The following CFAP61 variants were observed in gnomAD, a reference collection of about 807,000 sequenced individuals.
CFAP61 encodes cilia- and flagella-associated protein 61.
Under a neutral mutation model 135.6 loss-of-function variants are expected in CFAP61, and 107 were observed. That is an observed-to-expected ratio of 0.79 (90% CI 0.67 to 0.93). The LOEUF (loss-of-function observed/expected upper bound fraction) is 0.93, where lower values mean the gene tolerates loss of function less well. CFAP61 is among the 40% of genes least tolerant of loss of function. The pLI is 0.00. For synonymous variants in CFAP61, 575 were observed against 578.5 expected (o/e 0.99, Z 0.09); for missense variants, 1,507 against 1,556.2 (o/e 0.97, Z 0.53).
In CFAP61 at chr20:20,054,460, A is replaced by C. The variant is rs181886543; in HGVS notation, c.-37+1869A>C. 3.0e-3 allele frequency among the ~76,000 whole-genome samples: 449 copies of C among 152,194 alleles called. 1 individual carries two copies. The highest frequency in any genetic ancestry group is 4.4e-3 in the Non-Finnish European group (300 of 67,988). On this transcript the variant is annotated intron_variant, in intron 1 of 26. Coordinates refer to ENST00000245957, the MANE Select transcript of CFAP61 (RefSeq NM_015585.4). ...ATATACACACACACATTTTACATTA[A>C]ACTTTATATGTAGTTTACATTTTAA...
At chr20:20,086,820 G>T (rs921332859) in intron 6 of CFAP61, among the ~76,000 whole-genome samples, 6 of 152,182 alleles carry the variant, frequency 3.9e-5, no homozygotes, top group African/African-American at 1.4e-4. Context: ...ATTAGCACCA[G>T]AACTGGACAA....
intron 25 of CFAP61, among the ~76,000 whole-genome samples, chr20:20,300,267 G>A (rs950568321): frequency 6.6e-6 from 1 of 151,982 alleles, no homozygotes; most frequent in Admixed American, 6.6e-5. Context: ...CATTATTTTC[G>A]AGTGTATGCC....
intron 8 of CFAP61, among the ~76,000 whole-genome samples, chr20:20,118,837 T>A (rs905647496): frequency 4.0e-5 from 6 of 151,448 alleles, no homozygotes; most frequent in Non-Finnish European, 1.5e-5. Context: ...TGAATCCCAT[T>A]TGATCTTGGG....
intron 8 of CFAP61, among the ~76,000 whole-genome samples, chr20:20,133,396 A>C (rs553115769): frequency 6.6e-6 from 1 of 152,270 alleles, no homozygotes; most frequent in African/African-American, 2.4e-5. Context: ...TTAGGAGGCT[A>C]TCTTGTACAG....
intron 26 of CFAP61, among the ~76,000 whole-genome samples, chr20:20,353,871 G>T (rs147962280): frequency 6.6e-6 from 1 of 152,320 alleles, no homozygotes; most frequent in South Asian, 2.1e-4. Context: ...TTCACTGTTG[G>T]TGGTAATATA....
chr20:20,166,534 T>C, intron 12 of CFAP61, 98 bp downstream of exon 12: 1 of 950,812 alleles, frequency 1.1e-6, no homozygotes, highest in South Asian at 1.4e-5. Context: ...AATGTTGAGG[T>C]TTGTGTTCGG....
At chr20:20,066,807 C>T (rs1047848939) in intron 2 of CFAP61, among the ~76,000 whole-genome samples, 3 of 151,544 alleles carry the variant, frequency 2.0e-5, no homozygotes, top group African/African-American at 7.3e-5. Flanking sequence ...TATCCCAGAA[C>T]TTAAAGTGTA....
chr20:20,357,085 G>A (rs1446835597), intron 26 of CFAP61, among the ~76,000 whole-genome samples: 1 of 112,898 alleles, frequency 8.9e-6, no homozygotes, highest in African/African-American at 3.1e-5. Flanking sequence ...GAGAGGAGGT[G>A]GTCACACTGA....
At chr20:20,349,659 G>T (rs1569323852) in intron 26 of CFAP61, among the ~76,000 whole-genome samples, 1 of 152,248 alleles carries the variant, frequency 6.6e-6, no homozygotes, top group East Asian at 1.9e-4. Context: ...GCATTAAAAA[G>T]AATAAAATAC....
At chr20:20,144,292 A>T (rs1253888782) in intron 9 of CFAP61, among the ~76,000 whole-genome samples, 1 of 152,254 alleles carries the variant, frequency 6.6e-6, no homozygotes, top group African/African-American at 2.4e-5. Context: ...ATATGAAAAC[A>T]TGTTAGAATT....
chr20:20,083,955 AT>A lies in CFAP61; in HGVS notation c.567-6888del, dbSNP rs1470038076. Reference sequence around the variant, plus strand: ...TGGAAGTTCTACAGTGGAATACTATATGGAGTTTAGAAATGATAGATTTGAT... The same window carrying A: ...TGGAAGTTCTACAGTGGAATACTATAGGAGTTTAGAAATGATAGATTTGAT... On this transcript the variant is annotated intron_variant, in intron 6 of 26. Transcript: ENST00000245957. 2.0e-5 allele frequency among the ~76,000 whole-genome samples: 3 copies of A among 152,350 alleles called. No homozygotes were observed. In the East Asian group the frequency reaches 5.8e-4, roughly 29 times the overall value.
chr20:20,209,709 A>C (rs2047493857), intron 17 of CFAP61, among the ~76,000 whole-genome samples: 1 of 152,128 alleles, frequency 6.6e-6, no homozygotes, highest in Admixed American at 6.5e-5. Context: ...CATTGAGTCC[A>C]TTTGGGAGAT....
At chr20:20,158,775 A>G (rs2053161515) in intron 9 of CFAP61, among the ~76,000 whole-genome samples, 1 of 152,212 alleles carries the variant, frequency 6.6e-6, no homozygotes, top group Non-Finnish European at 1.5e-5. Context: ...ACATGGGAAC[A>G]TGGAAGCTTG....
chr20:20,135,683 T>C (rs6081887), intron 8 of CFAP61, among the ~76,000 whole-genome samples: 34,398 of 152,066 alleles, frequency 0.23, 4,150 homozygotes, highest in African/African-American at 0.26. Flanking sequence ...TTTTTTGTTG[T>C]TTCTATTTAT....
At chr20:20,181,705 G>A (rs2055112862) in intron 13 of CFAP61, among the ~76,000 whole-genome samples, 1 of 152,146 alleles carries the variant, frequency 6.6e-6, no homozygotes, top group Non-Finnish European at 1.5e-5. Flanking sequence ...GAAGCCATGT[G>A]GATGGGTAAT....
At chr20:20,295,192 A>G (rs544083647) in intron 24 of CFAP61, among the ~76,000 whole-genome samples, 1 of 152,124 alleles carries the variant, frequency 6.6e-6, no homozygotes, top group Non-Finnish European at 1.5e-5. Flanking sequence ...GGCCACGTAC[A>G]TGGAATCCAA....
chr20:20,207,359 G>T (rs1484069881), intron 17 of CFAP61, among the ~76,000 whole-genome samples: 1 of 152,212 alleles, frequency 6.6e-6, no homozygotes, highest in East Asian at 1.9e-4. Flanking sequence ...ATGCTGATCG[G>T]GTTCTTGCCA....
intron 8 of CFAP61, among the ~76,000 whole-genome samples, chr20:20,116,730 A>G (rs1473832735): frequency 6.6e-6 from 1 of 152,100 alleles, no homozygotes; most frequent in Non-Finnish European, 1.5e-5. Context: ...GTACCCATCA[A>G]TCAACTTCTC....
intron 9 of CFAP61, among the ~76,000 whole-genome samples, chr20:20,156,303 A>C (rs1033837163): frequency 3.3e-5 from 5 of 152,194 alleles, no homozygotes; most frequent in African/African-American, 9.6e-5. Flanking sequence ...CTAAAAAAAA[A>C]CCATATGTTT....
Sources: gnomAD v4.1 joint callset for allele counts (sites outside exome capture counted in the v4.1 genomes callset) on GRCh38, gnomAD v4.1.1 for gene constraint, MANE v1.5 for transcripts, NCBI Gene and HGNC (gene_info 2026-07-23, HGNC 2026-07-21) for gene names.